The following SUPT4H1 variants were observed in gnomAD, a reference collection of about 807,000 sequenced individuals.
SUPT4H1 encodes the protein transcription elongation factor SPT4.
In SUPT4H1, 12 loss-of-function variants were observed where a neutral mutation model predicts 19.4. The ratio of observed to expected loss-of-function variants is 0.62; its 90% CI spans 0.40 to 1.00. The LOEUF (loss-of-function observed/expected upper bound fraction) is 1.00. Ranked by LOEUF, SUPT4H1 falls within the 50% of genes least tolerant of loss-of-function variation. The pLI, the probability that SUPT4H1 is intolerant of heterozygous loss-of-function variation, is 0.00. For synonymous variants in SUPT4H1, 58 were observed against 56.3 expected, an observed-to-expected ratio of 1.03 and a Z score of -0.14; for missense variants, 115 against 149.2, an observed-to-expected ratio of 0.77 and a Z score of 1.19.
At chr17:58,351,563 G>A in intron 1 of SUPT4H1, 55 bp from the exon 2 acceptor site, 2 of 1,269,634 alleles carry the variant, frequency 1.6e-6, no homozygotes, top group African/African-American at 1.5e-5. Context: ...ACAAGACCAA[G>A]AGAAAAAGTA....
Position 58,345,985 on chromosome 17 carries a change from C to G in SUPT4H1, c.*261G>C. The stretch of plus-strand genomic sequence containing the variant: ...TAGAGTCCTTGGCATGGGGAAGGCA[C>G]AGACCTGGGCCACGGGTAGGAAAAT... On this transcript the variant is annotated 3_prime_UTR_variant, in exon 5 of 5. Transcript: ENST00000225504. 2.3e-6 allele frequency: 1 copy of G among 426,002 alleles called. No individual in the cohort carries two copies. 26.4% of individuals were successfully genotyped at this position (426,002 alleles called of 1,614,324 possible).
chr17:58,350,656 T>C (rs796763041), intron 2 of SUPT4H1, among the ~76,000 whole-genome samples: 22 of 151,570 alleles, frequency 1.5e-4, no homozygotes, highest in African/African-American at 5.3e-4. Context: ...GCCAACATGG[T>C]GAAACCCCGT....
intron 2 of SUPT4H1, 23 bp downstream of exon 2, chr17:58,351,379 T>A: frequency 6.5e-7 from 1 of 1,544,266 alleles, no homozygotes; most frequent in Non-Finnish European, 8.9e-7. Context: ...CAGAAGTGAA[T>A]GATGGAAACT....
chr17:58,351,590 G>C (rs1440690151), intron 1 of SUPT4H1, 82 bp from the exon 2 acceptor site: 1 of 920,316 alleles, frequency 1.1e-6, no homozygotes, highest in Non-Finnish European at 1.8e-6. Flanking sequence ...TCAATACTTC[G>C]ACCTGCTCAA....
intron 4 of SUPT4H1, 94 bp downstream of exon 4, chr17:58,347,094 C>T: frequency 7.8e-7 from 1 of 1,281,444 alleles, no homozygotes; most frequent in Non-Finnish European, 1.1e-6. Context: ...AAATGCTGAA[C>T]CTCATAGAAT....
At chr17:58,351,997 A>G (rs750807403) in intron 1 of SUPT4H1, 70 bp downstream of exon 1, 24 of 1,528,670 alleles carry the variant, frequency 1.6e-5, no homozygotes, top group Non-Finnish European at 2.1e-5. Context: ...ACTGTCCCAC[A>G]GCCCCATTCC....
rs1316364110 is a variant in SUPT4H1, at chr17:58,346,260, CTG to C, written c.338_339del (p.Thr113SerfsTer30). 1.2e-6 allele frequency: 2 copies of C among 1,614,070 alleles called. No homozygotes were observed. The highest frequency in any genetic ancestry group is 2.2e-5 in the East Asian group (1 of 44,884). The part of the protein sequence containing the change: ...SRGVAYKSRD[T>X]AIKT ...CTTGCATCTTGCTAGGTCTTTATAG[CTG>C]TGTCTCTGGATTTGTAGGCCACTCC... On this transcript the variant is annotated frameshift_variant, in exon 5 of 5. Transcript: ENST00000225504. LOFTEE classifies it high-confidence loss of function.
chr17:58,351,760 C>G, intron 1 of SUPT4H1: 2 of 572,380 alleles, frequency 3.5e-6, no homozygotes, highest in South Asian at 4.3e-5. Flanking sequence ...GCATCCTTTC[C>G]GACTACTCAC....
At chr17:58,350,809 A>G (rs1000416541) in intron 2 of SUPT4H1, among the ~76,000 whole-genome samples, 2 of 136,878 alleles carry the variant, frequency 1.5e-5, no homozygotes, top group Non-Finnish European at 3.1e-5. Context: ...GCACTCCAGC[A>G]TGAGTGGCAA....
chr17:58,351,251 C>CAAA (rs565767343), intron 2 of SUPT4H1, 151 bp downstream of exon 2: 295 of 368,190 alleles, frequency 8.0e-4, no homozygotes, highest in South Asian at 1.9e-3. Flanking sequence ...AACCCTGATT[C>CAAA]AAAAAAAAAA....
chr17:58,347,786 C>T (rs1448862171), intron 2 of SUPT4H1, among the ~76,000 whole-genome samples: 1 of 152,228 alleles, frequency 6.6e-6, no homozygotes, highest in African/African-American at 2.4e-5. Context: ...CGGCCAGCCA[C>T]AGGTCAGTTT....
intron 2 of SUPT4H1, among the ~76,000 whole-genome samples, chr17:58,350,836 C>CAA (rs35040111): frequency 0.012 from 941 of 81,610 alleles, 12 homozygotes; most frequent in African/African-American, 0.019. Flanking sequence ...AAAGTCTGTC[C>CAA]AAAAAAAAAA....
intron 2 of SUPT4H1, among the ~76,000 whole-genome samples, chr17:58,348,253 G>C (rs1972364208): frequency 6.6e-6 from 1 of 152,222 alleles, no homozygotes; most frequent in African/African-American, 2.4e-5. Flanking sequence ...GCTTGAGCAA[G>C]ATGGGTAAGC....
chr17:58,349,892 CTAGTGTT>C (rs1972428141), intron 2 of SUPT4H1, among the ~76,000 whole-genome samples: 1 of 152,138 alleles, frequency 6.6e-6, no homozygotes, highest in Non-Finnish European at 1.5e-5. Context: ...GAACGAGGAG[CTAGTGTT>C]TAATGGGTAC....
chr17:58,351,465 G>A lies in SUPT4H1; in HGVS notation c.113C>T (p.Ala38Val), dbSNP rs759638967. The A allele has an allele frequency of 2.5e-6, 4 of 1,613,932 alleles. No homozygotes were observed. The highest frequency in any genetic ancestry group is 1.7e-5 in the Admixed American group (1 of 60,018). ...TCGGTTACCCTTCATTTGTAGATAT[G>A]CATCACAATTGTCACAACCATCATA... Reference protein sequence around the residue: ...FEYDGCDNCDAYLQMKGNREM... With the variant: ...FEYDGCDNCDVYLQMKGNREM... The change falls in exon 2 of 5, where the codon GCA becomes GTA. Residue 38 changes from alanine (A) to valine (V), a missense_variant. Physicochemically the swap from Ala to Val is moderately conservative, Grantham distance 64 (BLOSUM62 0). Coordinates refer to ENST00000225504, the MANE Select transcript of SUPT4H1 (RefSeq NM_003168.3).
Position 58,351,485 on chromosome 17 carries a change from A to C in SUPT4H1, c.93T>G (p.Asp31Glu). The C allele has an allele frequency of 1.9e-6, 3 of 1,613,880 alleles. No homozygotes were observed. Among genetic ancestry groups the C allele is most frequent in the Non-Finnish European group, 2.5e-6 (3 of 1,179,736 alleles). ...LVKTIDQFEY[D>E]GCDNCDAYLQ... The stretch of plus-strand genomic sequence containing the variant: ...GATATGCATCACAATTGTCACAACC[A>C]TCATATTCAAACTGGTCTATAGTCT... Residue 31 changes from aspartate (D) to glutamate (E), a missense_variant, in exon 2 of 5, where the codon GAT becomes GAG. Physicochemically the swap from Asp to Glu is conservative, Grantham distance 45. Coordinates refer to ENST00000225504, the MANE Select transcript of SUPT4H1 (RefSeq NM_003168.3).
At chr17:58,347,695 G>A in intron 2 of SUPT4H1, 111 bp from the exon 3 acceptor site, 1 of 1,041,406 alleles carries the variant, frequency 9.6e-7, no homozygotes, top group Non-Finnish European at 1.5e-6. Flanking sequence ...CTGGAAAGCT[G>A]GCAAAACTGC....
In SUPT4H1 at chr17:58,346,076, T is replaced by A. The variant is rs1372867326; in HGVS notation, c.*170A>T. 9.3e-6 allele frequency: 5 copies of A among 536,908 alleles called. No homozygotes were observed. Among genetic ancestry groups the A allele is most frequent in the African/African-American group, 1.9e-5 (1 of 51,872 alleles). The allele number at this position is 536,908 out of a possible 1,614,324, so 33.3% of individuals were successfully genotyped here. A position where few individuals can be genotyped will look rare whatever the true frequency, so the allele number is the denominator to read the frequency against. ...CAACCCAAATCCCTCCCACCCCACC[T>A]GTAGTCCAAAGAAGATAAAATGATA... On this transcript the variant is annotated 3_prime_UTR_variant, in exon 5 of 5. Transcript: ENST00000225504.
chr17:58,347,318 A>G, intron 3 of SUPT4H1, 77 bp from the exon 4 acceptor site: 1 of 1,525,504 alleles, frequency 6.6e-7, no homozygotes. Context: ...CTTAAGCTAA[A>G]GAAGTGATGC....
Sources: gnomAD v4.1 joint callset for allele counts (sites outside exome capture counted in the v4.1 genomes callset) on GRCh38, gnomAD v4.1.1 for gene constraint, MANE v1.5 for transcripts, NCBI Gene and HGNC (gene_info 2026-07-23, HGNC 2026-07-21) for gene names.